PCDHGA3: variants seen among roughly 807,000 people sequenced by gnomAD.
PCDHGA3 encodes the protein protocadherin gamma-A3.
A neutral mutation model predicts 58.5 loss-of-function variants in PCDHGA3; 40 were observed. The observed-to-expected ratio is 0.68, with a 90% CI of 0.53 to 0.89. PCDHGA3 has a LOEUF of 0.89. Ranked by LOEUF, PCDHGA3 falls within the 40% of genes least tolerant of loss-of-function variation. PCDHGA3 has a pLI of 0.00. For synonymous variants in PCDHGA3, 530 were observed against 525.7 expected (o/e 1.01, Z -0.11); for missense variants, 1,223 against 1,195.9 (o/e 1.02, Z -0.33).
At chr5:141,362,746 G>A (rs1247089931) in intron 1 of PCDHGA3, 1 of 702,364 alleles carries the variant, frequency 1.4e-6, no homozygotes, top group East Asian at 2.7e-5. Flanking sequence ...ACCCATGATT[G>A]CAAACCTTTA....
rs774071540 is a variant in PCDHGA3, at chr5:141,511,042, G to A, written c.2668G>A (p.Asp890Asn). 8 of 1,614,064 alleles carry A rather than the reference G, an allele frequency of 5.0e-6. No homozygotes were observed. Among genetic ancestry groups the A allele is most frequent in the Non-Finnish European group, 6.8e-6 (8 of 1,180,016 alleles). Residue 890 changes from aspartate to asparagine, a missense_variant, in exon 4 of 4, where the codon GAC becomes AAC. Physicochemically the swap from Asp to Asn is conservative, Grantham distance 23. Coordinates refer to ENST00000253812, the MANE Select transcript of PCDHGA3 (RefSeq NM_018916.4). Reference sequence around the variant, plus strand: ...CCAGTTCACCCTGCAGCACGTGCCCGACTACCGCCAGAATGTCTACATCCC... The same window carrying A: ...CCAGTTCACCCTGCAGCACGTGCCCAACTACCGCCAGAATGTCTACATCCC... ...GPQFTLQHVPDYRQNVYIPGS... is the reference protein window; with the variant it reads ...GPQFTLQHVPNYRQNVYIPGS...
At chr5:141,371,731 A>G in intron 1 of PCDHGA3, 1 of 1,614,042 alleles carries the variant, frequency 6.2e-7, no homozygotes, top group Non-Finnish European at 8.5e-7. Flanking sequence ...CTTGATGTCA[A>G]CGACAACGTT....
intron 1 of PCDHGA3, chr5:141,402,911 C>T: frequency 1.3e-6 from 2 of 1,551,976 alleles, no homozygotes; most frequent in South Asian, 1.2e-5. Context: ...TGAAGCAGCG[C>T]GCACAGAGAT....
At chr5:141,473,189 A>G (rs1049891105) in intron 1 of PCDHGA3, among the ~76,000 whole-genome samples, 2 of 152,198 alleles carry the variant, frequency 1.3e-5, no homozygotes, top group Admixed American at 6.5e-5. Flanking sequence ...GAAGGAGTAA[A>G]TGTATCTTCT....
intron 1 of PCDHGA3, chr5:141,388,302 C>G: frequency 6.2e-7 from 1 of 1,613,700 alleles, no homozygotes; most frequent in Non-Finnish European, 8.5e-7. Context: ...TTCCTTTGAG[C>G]TGCAAATAAG....
chr5:141,461,347 G>C (rs2154567331), intron 1 of PCDHGA3, among the ~76,000 whole-genome samples: 1 of 152,242 alleles, frequency 6.6e-6, no homozygotes, highest in Admixed American at 6.5e-5. Flanking sequence ...GGACCAAGGT[G>C]GTAGCTCGTT....
At chr5:141,509,777 G>A (rs1244876699) in intron 3 of PCDHGA3, among the ~76,000 whole-genome samples, 1 of 152,100 alleles carries the variant, frequency 6.6e-6, no homozygotes, top group Non-Finnish European at 1.5e-5. Flanking sequence ...TCTAGTCCCC[G>A]AGATCATCAT....
Position 141,388,677 on chromosome 5 carries a change from A to G in PCDHGA3, c.2424+42220A>G, listed in dbSNP as rs369048942. 2.1e-5 allele frequency: 34 copies of G among 1,613,854 alleles called. 1 individual carries two copies. Among genetic ancestry groups the G allele is most frequent in the African/African-American group, 2.7e-5 (2 of 74,914 alleles). ...CCCGGGGACCACGGTGCTACAGGTGACTGCCACGGACCAGGATGAGGGTGT... is the reference window on the plus strand; with the variant it reads ...CCCGGGGACCACGGTGCTACAGGTGGCTGCCACGGACCAGGATGAGGGTGT... On this transcript the variant is annotated intron_variant, in intron 1 of 3. Transcript: ENST00000253812.
intron 1 of PCDHGA3, among the ~76,000 whole-genome samples, chr5:141,438,620 A>G (rs2098023964): frequency 1.0e-4 from 4 of 39,044 alleles, no homozygotes; most frequent in African/African-American, 8.0e-4. Flanking sequence ...ATATATATAT[A>G]TATATATATA....
chr5:141,351,300 C>T, intron 1 of PCDHGA3: 1 of 1,613,856 alleles, frequency 6.2e-7, no homozygotes, highest in South Asian at 1.1e-5. Context: ...ACATTCATGT[C>T]CTTCTCTAAC....
chr5:141,355,826 A>G, intron 1 of PCDHGA3: 1 of 1,612,512 alleles, frequency 6.2e-7, no homozygotes, highest in Admixed American at 1.7e-5. Context: ...GCGGTTCACC[A>G]CCTCGTTCTC....
chr5:141,471,254 T>A (rs1043647138), intron 1 of PCDHGA3: 1 of 151,828 alleles, frequency 6.6e-6, no homozygotes, highest in African/African-American at 2.4e-5. Flanking sequence ...TTTCACCATG[T>A]TGGCAAGGCT....
At chr5:141,478,299 G>A (rs201916687) in intron 1 of PCDHGA3, 1 of 1,614,056 alleles carries the variant, frequency 6.2e-7, no homozygotes, top group Non-Finnish European at 8.5e-7. Flanking sequence ...GACCTATACC[G>A]AGCCCCGGTG....
rs776015544 is a variant in PCDHGA3, at chr5:141,485,125, G to C, written c.2425-9682G>C. The C allele has an allele frequency of 7.1e-7, 1 of 1,412,278 alleles. No homozygotes were observed. Among genetic ancestry groups the C allele is most frequent in the Admixed American group, 1.7e-5 (1 of 57,660 alleles). 87.5% of individuals were successfully genotyped at this position (1,412,278 alleles called of 1,614,324 possible). On this transcript the variant is annotated intron_variant, in intron 1 of 3. Transcript: ENST00000253812. The surrounding 1 kb of genome is among the most constrained non-coding windows in gnomAD (Gnocchi z 5.7). The stretch of plus-strand genomic sequence containing the variant: ...CTGCTGTGGCTGTTTGGGGCGGGTC[G>C]GCTTCATCCGCGTCTCAGGAGCAAG...
chr5:141,501,017 C>T (rs1383853662), intron 2 of PCDHGA3, among the ~76,000 whole-genome samples: 5 of 151,866 alleles, frequency 3.3e-5, no homozygotes, highest in African/African-American at 7.3e-5. Flanking sequence ...TACAGGCACG[C>T]GCCACCACGC....
In PCDHGA3 at chr5:141,393,272, A is replaced by C. The variant is rs781226042; in HGVS notation, c.2424+46815A>C. The stretch of plus-strand genomic sequence containing the variant: ...TCGCGGTTCCTGGAGCACGTTATCC[A>C]CTCCCAGAAGCTGTTGACCCGGATG... On this transcript the variant is annotated intron_variant, in intron 1 of 3. Coordinates refer to ENST00000253812, the MANE Select transcript of PCDHGA3 (RefSeq NM_018916.4). The C allele has an allele frequency of 2.5e-6, 4 of 1,613,774 alleles. No homozygotes were observed. The Admixed American group carries it at 6.7e-5, about 27-fold the overall frequency.
chr5:141,508,799 C>T (rs962590711), intron 3 of PCDHGA3, among the ~76,000 whole-genome samples: 1 of 152,110 alleles, frequency 6.6e-6, no homozygotes, highest in Non-Finnish European at 1.5e-5. Context: ...ACTCTGGAAT[C>T]CTGGCTCTTT....
intron 1 of PCDHGA3, chr5:141,422,122 A>G (rs758254144): frequency 6.2e-7 from 1 of 1,601,596 alleles, no homozygotes; most frequent in African/African-American, 1.4e-5. Context: ...GGATTCACAA[A>G]CTGGAGAAGT....
intron 1 of PCDHGA3, among the ~76,000 whole-genome samples, chr5:141,469,212 G>A (rs114294512): frequency 0.021 from 3,174 of 151,360 alleles, 54 homozygotes; most frequent in Non-Finnish European, 0.032. Flanking sequence ...TTGAAGTTGA[G>A]GCTTCAGTGA....
Sources: allele counts gnomAD v4.1 joint callset (sites outside exome capture counted in the v4.1 genomes callset), GRCh38; gene constraint gnomAD v4.1.1; non-coding constraint Gnocchi (gnomAD v3.1); transcripts MANE v1.5; gene names NCBI Gene and HGNC (gene_info 2026-07-23, HGNC 2026-07-21).